APC: variants seen among roughly 807,000 people sequenced by gnomAD.
The protein encoded by APC is adenomatous polyposis coli protein.
In APC, 72 loss-of-function variants were observed where a neutral mutation model predicts 247.0. That is an observed-to-expected ratio of 0.29 (90% confidence interval 0.24 to 0.35). The LOEUF is 0.35. Among genes scored for constraint, APC ranks in the 10% least tolerant of loss-of-function variants. APC has a pLI of 1.00. For synonymous variants in APC, 1,254 were observed against 1,162.5 expected (o/e 1.08, Z -1.60); for missense variants, 3,400 against 3,360.7 (o/e 1.01, Z -0.29).
chr5:112,791,515 G>T (rs1759586754), intron 6 of APC, among the ~76,000 whole-genome samples: 1 of 152,140 alleles, frequency 6.6e-6, no homozygotes, highest in Non-Finnish European at 1.5e-5. Context: ...AACTGCACAT[G>T]TGAGGGATCT....
At chr5:112,787,897 C>A (rs191764113) in intron 6 of APC, among the ~76,000 whole-genome samples, 102 of 152,216 alleles carry the variant, frequency 6.7e-4, no homozygotes, top group Admixed American at 1.2e-3. Flanking sequence ...GTTGTGGAGG[C>A]AGGAATCTAA....
At chr5:112,787,765 A>G (rs1759129889) in intron 6 of APC, among the ~76,000 whole-genome samples, 1 of 152,232 alleles carries the variant, frequency 6.6e-6, no homozygotes, top group South Asian at 2.1e-4. Flanking sequence ...TAACAAAAAT[A>G]AACTTTTATG....
At chr5:112,768,782 A>G (rs956196486) in intron 4 of APC, among the ~76,000 whole-genome samples, 2 of 152,004 alleles carry the variant, frequency 1.3e-5, no homozygotes, top group African/African-American at 2.4e-5. Context: ...CGTAGAACAC[A>G]GTCCTGTACA....
intron 2 of APC, among the ~76,000 whole-genome samples, chr5:112,760,503 A>G (rs1755531196): frequency 6.6e-6 from 1 of 152,246 alleles, no homozygotes; most frequent in African/African-American, 2.4e-5. Context: ...GAGAAACAAC[A>G]TTTAAGGCTA....
At position 112,730,046 on chromosome 5, in the gene APC, T is replaced by C. The variant is rs114176051; in HGVS notation, c.165+22164T>C. Among the ~76,000 whole-genome samples the C allele has an allele frequency of 6.1e-3, 924 of 152,324 alleles. 7 individuals carry two copies. Among genetic ancestry groups the C allele is most frequent in the Middle Eastern group, 0.01 (3 of 292 alleles). On this transcript the variant is annotated intron_variant, in intron 1 of 13. Coordinates refer to the APC transcript ENST00000507379. ...CTTTAGTTATTTAACTAAATTAACATAAAGATGTCTCCTGCATTTAAAGAA... is the reference window on the plus strand; with the variant it reads ...CTTTAGTTATTTAACTAAATTAACACAAAGATGTCTCCTGCATTTAAAGAA...
intron 1 of APC, among the ~76,000 whole-genome samples, chr5:112,714,569 T>C (rs1751048160): frequency 6.6e-6 from 1 of 152,254 alleles, no homozygotes; most frequent in Admixed American, 6.5e-5. Flanking sequence ...GATTTGGTTT[T>C]ATTCTTGGGC....
At chr5:112,810,724 A>G (rs539407919) in intron 8 of APC, among the ~76,000 whole-genome samples, 2 of 152,316 alleles carry the variant, frequency 1.3e-5, no homozygotes, top group South Asian at 4.1e-4. Context: ...CTAGCAAGAG[A>G]ATTATGAAAG....
chr5:112,821,882 A>T lies in APC; in HGVS notation c.1313-14A>T, dbSNP rs1763162483. 6.3e-7 allele frequency: 1 copy of T among 1,598,680 alleles called. No homozygotes were observed. Among genetic ancestry groups the T allele is most frequent in the Admixed American group, 1.7e-5 (1 of 59,936 alleles). On this transcript the variant is annotated splice_polypyrimidine_tract_variant and intron_variant, in intron 10 of 15. Transcript: ENST00000257430. ...TAACAAAGCATTATGGTTTATGTTGATTTTATTTTTCAGTGCCAGCTCCTG... is the reference window on the plus strand; with the variant it reads ...TAACAAAGCATTATGGTTTATGTTGTTTTTATTTTTCAGTGCCAGCTCCTG...
In APC at chr5:112,707,555, G is replaced by T. The variant is rs558562104; in HGVS notation, c.-163G>T. 5.0e-6 allele frequency: 3 copies of T among 605,280 alleles called. No homozygotes were observed. Among genetic ancestry groups the T allele is most frequent in the African/African-American group, 3.7e-5 (2 of 54,224 alleles). 37.5% of individuals were successfully genotyped at this position (605,280 alleles called of 1,614,324 possible). On this transcript the variant is annotated 5_prime_UTR_variant, in exon 1 of 14. Transcript: ENST00000507379. ...CGGAGGGCAAGTAGCAAGGGGGCGG[G>T]GTGTGGCCGCCGGAAGCCTAGCCGC...
chr5:112,798,377 A>G (rs1173230452), intron 7 of APC, among the ~76,000 whole-genome samples: 1 of 152,222 alleles, frequency 6.6e-6, no homozygotes, highest in Non-Finnish European at 1.5e-5. Flanking sequence ...AAAGACAAAA[A>G]GTACATTAGT....
chr5:112,820,122 G>A lies in APC; in HGVS notation c.1312+778G>A, dbSNP rs548408102. Among the ~76,000 whole-genome samples, 112 of 151,882 alleles carry A rather than the reference G, an allele frequency of 7.4e-4. No individual in the cohort carries two copies. The highest frequency in any genetic ancestry group is 1.4e-3 in the Non-Finnish European group (95 of 67,978). ...GGATATAACTTATTTCATTCCTGTA[G>A]CCAAGAACCAAAAGCAGTAAGTATG... On this transcript the variant is annotated intron_variant, in intron 10 of 15. Coordinates refer to ENST00000257430, the MANE Select transcript of APC (RefSeq NM_000038.6).
rs188356717 is a variant in APC at position 112,833,062 on chromosome 5, T to G, written c.1744-1889T>G. Among the ~76,000 whole-genome samples the G allele has an allele frequency of 2.1e-3, 312 of 151,868 alleles. 2 individuals carry two copies. Among genetic ancestry groups the G allele is most frequent in the African/African-American group, 6.1e-3 (255 of 41,490 alleles). On this transcript the variant is annotated intron_variant, in intron 14 of 15. Coordinates refer to ENST00000257430, the MANE Select transcript of APC (RefSeq NM_000038.6). The stretch of plus-strand genomic sequence containing the variant: ...TTTTTGCTTTTGCTTTTGCTTTTGC[T>G]TTTTTGAGACAGGGTCTCACTCTGC...
chr5:112,728,333 T>C (rs1751913496), intron 1 of APC, among the ~76,000 whole-genome samples: 1 of 152,144 alleles, frequency 6.6e-6, no homozygotes, highest in Non-Finnish European at 1.5e-5. Context: ...GGTTTCACCA[T>C]GTTGGCCAGG....
intron 7 of APC, among the ~76,000 whole-genome samples, chr5:112,798,987 A>G (rs1473283155): frequency 6.6e-6 from 1 of 152,120 alleles, no homozygotes; most frequent in African/African-American, 2.4e-5. Flanking sequence ...AGGTGGGCAG[A>G]TCACCTGAGG....
chr5:112,734,549 G>C (rs905550729), upstream of APC, among the ~76,000 whole-genome samples: 1 of 152,082 alleles, frequency 6.6e-6, no homozygotes, highest in African/African-American at 2.4e-5. Flanking sequence ...AAAGCTTGTT[G>C]ATATCTGTAG....
chr5:112,726,485 GTTC>G (rs1357645046), intron 1 of APC, among the ~76,000 whole-genome samples: 2 of 152,152 alleles, frequency 1.3e-5, no homozygotes, highest in African/African-American at 2.4e-5. Context: ...CTGTTTTGCT[GTTC>G]TTCTGCTTCT....
In APC at chr5:112,737,889, G is replaced by A. The variant is rs1167227455; in HGVS notation, c.-55G>A. On this transcript the variant is annotated 5_prime_UTR_variant, in exon 1 of 16. Transcript: ENST00000257430. ...GGTGCAGCCCGCCAGGGTGTCACTGGAGACAGAATGGAGGTGCTGCCGGAC... is the reference window on the plus strand; with the variant it reads ...GGTGCAGCCCGCCAGGGTGTCACTGAAGACAGAATGGAGGTGCTGCCGGAC... 1 of 985,522 alleles carries A rather than the reference G, an allele frequency of 1.0e-6. No individual in the cohort carries two copies. Among genetic ancestry groups the A allele is most frequent in the East Asian group, 1.1e-4 (1 of 8,838 alleles). 61.0% of individuals were successfully genotyped at this position (985,522 alleles called of 1,614,324 possible).
chr5:112,795,746 G>A (rs1760149266), intron 7 of APC, among the ~76,000 whole-genome samples: 1 of 152,086 alleles, frequency 6.6e-6, no homozygotes, highest in African/African-American at 2.4e-5. Context: ...TGTCAAATAC[G>A]TTTTTCTCAT....
chr5:112,719,951 T>C (rs1351868959), intron 1 of APC, among the ~76,000 whole-genome samples: 1 of 152,240 alleles, frequency 6.6e-6, no homozygotes, highest in East Asian at 1.9e-4. Context: ...AAATACGATT[T>C]CAAAAATCTT....
Sources: allele counts gnomAD v4.1 joint callset (sites outside exome capture counted in the v4.1 genomes callset), GRCh38; gene constraint gnomAD v4.1.1; transcripts MANE v1.5; gene names NCBI Gene and HGNC (gene_info 2026-07-23, HGNC 2026-07-21).